PPP2R2B: variants seen among roughly 807,000 people sequenced by gnomAD.
PPP2R2B encodes the protein serine/threonine-protein phosphatase 2A 55 kDa regulatory subunit B beta isoform.
PPP2R2B carries 5 observed loss-of-function variants against 46.0 expected under a neutral mutation model. The observed-to-expected ratio is 0.11, with a 90% CI of 0.06 to 0.23. PPP2R2B has a LOEUF of 0.23. Ranked by LOEUF, PPP2R2B falls within the 10% of genes least tolerant of loss-of-function variation. PPP2R2B has a pLI of 1.00. For missense variants in PPP2R2B, 367 were observed against 575.0 expected (o/e 0.64, Z 3.70); for synonymous variants, 215 against 206.7 (o/e 1.04, Z -0.34).
chr5:146,628,956 C>A (rs988051362), intron 7 of PPP2R2B, among the ~76,000 whole-genome samples: 2 of 152,180 alleles, frequency 1.3e-5, no homozygotes, highest in Non-Finnish European at 2.9e-5. Flanking sequence ...ACTTGATCAT[C>A]TGTAAAAAGC....
intron 2 of PPP2R2B, among the ~76,000 whole-genome samples, chr5:146,851,092 A>G (rs1760320550): frequency 1.3e-5 from 2 of 152,170 alleles, no homozygotes; most frequent in Admixed American, 1.3e-4. Flanking sequence ...TCAATATTAC[A>G]TAGAAGTGGA....
chr5:147,065,853 A>G (rs377703906), intron 2 of PPP2R2B, among the ~76,000 whole-genome samples: 3 of 152,078 alleles, frequency 2.0e-5, no homozygotes, highest in East Asian at 3.9e-4. Context: ...GAAAGAGTTT[A>G]TGGGGTGCCT....
At chr5:147,011,592 T>A (rs1754736946) in intron 1 of PPP2R2B, among the ~76,000 whole-genome samples, 1 of 151,720 alleles carries the variant, frequency 6.6e-6, no homozygotes, top group Non-Finnish European at 1.5e-5. Context: ...CTGATTGCCC[T>A]GGCCAGAACT....
At chr5:146,659,116 GC>G (rs1216862698) in intron 5 of PPP2R2B, among the ~76,000 whole-genome samples, 4 of 151,998 alleles carry the variant, frequency 2.6e-5, no homozygotes, top group Admixed American at 6.6e-5. Context: ...ATAATATGAA[GC>G]TTTTGACTTA....
At chr5:146,755,987 C>CAA (rs1436772745) in intron 2 of PPP2R2B, among the ~76,000 whole-genome samples, 3 of 152,142 alleles carry the variant, frequency 2.0e-5, no homozygotes, top group Non-Finnish European at 4.4e-5. Context: ...TTTCATGTAT[C>CAA]ATTTAAAAGC....
intron 2 of PPP2R2B, among the ~76,000 whole-genome samples, chr5:146,752,277 G>T (rs1235615905): frequency 2.0e-5 from 3 of 151,966 alleles, no homozygotes; most frequent in Non-Finnish European, 4.4e-5. Context: ...CAGGGGTTTT[G>T]TTCTGAGTGA....
rs914563880 is a variant in PPP2R2B, at chr5:146,856,685, C to T, written c.70+21317G>A. 19 of 795,878 alleles carry T rather than the reference C, an allele frequency of 2.4e-5. No individual in the cohort carries two copies. The African/African-American group carries it at 3.1e-4, about 13-fold the overall frequency. The allele number at this position is 795,878 out of a possible 1,614,324, so 49.3% of individuals were successfully genotyped here. ...TTACATACTTTCCACATACCCCCTA[C>T]CATCTCTTTGGGAGAGTTTGCTCCA... On this transcript the variant is annotated intron_variant, in intron 2 of 9. Transcript: ENST00000394411.
chr5:146,590,820 G>A (rs1770567291), intron 9 of PPP2R2B, among the ~76,000 whole-genome samples: 6 of 152,034 alleles, frequency 3.9e-5, no homozygotes, highest in Admixed American at 3.9e-4. Context: ...ACTTATCTAC[G>A]AAATGGATGT....
chr5:147,017,765 G>C (rs147805782), intron 1 of PPP2R2B, among the ~76,000 whole-genome samples: 1 of 152,102 alleles, frequency 6.6e-6, no homozygotes, highest in Non-Finnish European at 1.5e-5. Context: ...GGTTTAGAGT[G>C]AGAAGGAAAA....
At chr5:146,989,097 G>A (rs975396815) in intron 1 of PPP2R2B, among the ~76,000 whole-genome samples, 6 of 151,922 alleles carry the variant, frequency 3.9e-5, no homozygotes, top group African/African-American at 1.4e-4. Flanking sequence ...CAATGAGATA[G>A]GCACAGTAAT....
chr5:146,641,718 T>C (rs1223222814), intron 6 of PPP2R2B, among the ~76,000 whole-genome samples: 1 of 152,136 alleles, frequency 6.6e-6, no homozygotes, highest in Non-Finnish European at 1.5e-5. Context: ...CCTGCACAAC[T>C]CTAAAGGGCG....
At chr5:146,869,791 G>C (rs548841184) in intron 2 of PPP2R2B, among the ~76,000 whole-genome samples, 1 of 152,262 alleles carries the variant, frequency 6.6e-6, no homozygotes, top group South Asian at 2.1e-4. Flanking sequence ...TAAAGGCAGA[G>C]GGAAATGTGA....
intron 2 of PPP2R2B, chr5:147,081,054 C>T (rs1245288294): frequency 6.5e-7 from 1 of 1,534,682 alleles, no homozygotes; most frequent in South Asian, 1.2e-5. Context: ...GGGGATTTCT[C>T]CTACCTTCTG....
intron 2 of PPP2R2B, among the ~76,000 whole-genome samples, chr5:146,769,515 G>A (rs530854485): frequency 4.6e-5 from 7 of 152,304 alleles, no homozygotes; most frequent in African/African-American, 1.7e-4. Flanking sequence ...TGCAAGCACT[G>A]TAAGGATCAG....
intron 7 of PPP2R2B, among the ~76,000 whole-genome samples, chr5:146,624,564 C>G (rs1176151838): frequency 2.0e-5 from 3 of 152,190 alleles, no homozygotes; most frequent in Admixed American, 2.0e-4. Flanking sequence ...GACTCTTCTC[C>G]CAGCATCTAC....
intron 1 of PPP2R2B, among the ~76,000 whole-genome samples, chr5:146,971,015 T>C (rs963306665): frequency 6.6e-6 from 1 of 152,206 alleles, no homozygotes; most frequent in African/African-American, 2.4e-5. Flanking sequence ...TTTTTCAAAG[T>C]CTATTTTAAA....
At chr5:146,694,281 C>G (rs112842915) in intron 4 of PPP2R2B, among the ~76,000 whole-genome samples, 2 of 152,192 alleles carry the variant, frequency 1.3e-5, no homozygotes, top group Non-Finnish European at 2.9e-5. Flanking sequence ...TGCGCTGGAG[C>G]GAAAGGAGAT....
chr5:146,987,093 G>A (rs1199026608), intron 1 of PPP2R2B, among the ~76,000 whole-genome samples: 1 of 152,114 alleles, frequency 6.6e-6, no homozygotes, highest in Non-Finnish European at 1.5e-5. Flanking sequence ...CCAGAAGGGA[G>A]TGAAATGATA....
intron 1 of PPP2R2B, among the ~76,000 whole-genome samples, chr5:146,933,616 G>A (rs556041952): frequency 1.3e-5 from 2 of 151,876 alleles, no homozygotes; most frequent in South Asian, 4.2e-4. Context: ...GAAGCAAAAT[G>A]AGACCCATTT....
Sources: allele counts gnomAD v4.1 joint callset (sites outside exome capture counted in the v4.1 genomes callset), GRCh38; gene constraint gnomAD v4.1.1; transcripts MANE v1.5; gene names NCBI Gene and HGNC (gene_info 2026-07-23, HGNC 2026-07-21).